The following TMPRSS11D variants were observed in gnomAD, a reference collection of about 807,000 sequenced individuals.
TMPRSS11D encodes transmembrane serine protease 11D.
A neutral mutation model predicts 44.4 loss-of-function variants in TMPRSS11D; 32 were observed. That is an observed-to-expected ratio of 0.72 (90% confidence interval 0.54 to 0.97). TMPRSS11D has a LOEUF of 0.97. Ranked by LOEUF, TMPRSS11D falls within the 50% of genes least tolerant of loss-of-function variation. The pLI, the probability that TMPRSS11D is intolerant of heterozygous loss-of-function variation, is 0.00. For missense variants in TMPRSS11D, 446 were observed against 502.6 expected (o/e 0.89, Z 1.08); for synonymous variants, 179 against 177.9 (o/e 1.01, Z -0.05).
chr4:67,854,010 G>T, intron 3 of TMPRSS11D, 58 bp downstream of exon 3: 3 of 1,041,648 alleles, frequency 2.9e-6, no homozygotes, highest in Non-Finnish European at 2.8e-6. Flanking sequence ...AAAACATTAG[G>T]TTTATTATCA....
At chr4:67,852,410 G>T (rs1718530806) in intron 3 of TMPRSS11D, among the ~76,000 whole-genome samples, 2 of 152,076 alleles carry the variant, frequency 1.3e-5, no homozygotes, top group South Asian at 4.1e-4. Flanking sequence ...CAGAATTTTT[G>T]ATTTAGTATG....
intron 3 of TMPRSS11D, among the ~76,000 whole-genome samples, chr4:67,846,166 GATCT>G (rs1450191049): frequency 1.3e-5 from 2 of 152,088 alleles, no homozygotes; most frequent in African/African-American, 2.4e-5. Context: ...GTGGCAATAT[GATCT>G]ATCTATTACT....
chr4:67,872,317 T>C (rs879020414), intron 1 of TMPRSS11D, among the ~76,000 whole-genome samples: 3 of 152,106 alleles, frequency 2.0e-5, no homozygotes, highest in Admixed American at 2.0e-4. Flanking sequence ...CTTTCCTTTT[T>C]CCCCCTTTAT....
At chr4:67,883,319 A>C (rs1275411451) in intron 1 of TMPRSS11D, among the ~76,000 whole-genome samples, 1 of 152,002 alleles carries the variant, frequency 6.6e-6, no homozygotes, top group African/African-American at 2.4e-5. Flanking sequence ...TGATTATCTC[A>C]CAACTTTTTT....
chr4:67,880,910 T>G (rs1002778653), intron 1 of TMPRSS11D, among the ~76,000 whole-genome samples: 6 of 152,252 alleles, frequency 3.9e-5, no homozygotes, highest in Non-Finnish European at 7.3e-5. Context: ...AGAATCTGCT[T>G]TTTCTTTCTG....
intron 4 of TMPRSS11D, among the ~76,000 whole-genome samples, chr4:67,838,603 GT>G (rs1161045406): frequency 6.6e-6 from 1 of 151,994 alleles, no homozygotes. Flanking sequence ...GATAAGTTAT[GT>G]AAGTTTCTTA....
intron 4 of TMPRSS11D, 32 bp from the exon 5 acceptor site, chr4:67,838,361 A>C: frequency 6.7e-7 from 1 of 1,497,294 alleles, no homozygotes; most frequent in East Asian, 2.4e-5. Context: ...TAAAAAACAA[A>C]TAATATGACA....
intron 2 of TMPRSS11D, 149 bp downstream of exon 2, chr4:67,859,408 A>G (rs1718739957): frequency 2.0e-6 from 2 of 1,002,432 alleles, no homozygotes; most frequent in African/African-American, 3.3e-5. Flanking sequence ...ACAGATATGC[A>G]TCTATATTTG....
At chr4:67,853,306 A>C (rs1302025679) in intron 3 of TMPRSS11D, among the ~76,000 whole-genome samples, 1 of 152,216 alleles carries the variant, frequency 6.6e-6, no homozygotes, top group Admixed American at 6.5e-5. Flanking sequence ...AGGGATTAAA[A>C]GCCTGGATTA....
At chr4:67,840,643 T>A (rs1718209163) in intron 4 of TMPRSS11D, among the ~76,000 whole-genome samples, 1 of 152,190 alleles carries the variant, frequency 6.6e-6, no homozygotes, top group African/African-American at 2.4e-5. Context: ...AATTTAATTG[T>A]ACATTTAAAA....
intron 1 of TMPRSS11D, among the ~76,000 whole-genome samples, chr4:67,872,963 T>C (rs888803573): frequency 6.6e-6 from 1 of 152,214 alleles, no homozygotes; most frequent in African/African-American, 2.4e-5. Context: ...TGTTTTGTTT[T>C]CTGGGTGGAA....
At chr4:67,879,948 A>G (rs529034602) in intron 1 of TMPRSS11D, among the ~76,000 whole-genome samples, 2 of 152,348 alleles carry the variant, frequency 1.3e-5, no homozygotes, top group African/African-American at 4.8e-5. Context: ...ACAAAGAAAT[A>G]TTATACAGCT....
chr4:67,851,918 T>C (rs562570707), intron 3 of TMPRSS11D, among the ~76,000 whole-genome samples: 1 of 152,286 alleles, frequency 6.6e-6, no homozygotes, highest in Admixed American at 6.5e-5. Flanking sequence ...GGTTTGGCCC[T>C]TGTAGGGGCT....
chr4:67,875,975 G>A (rs960971362), intron 1 of TMPRSS11D, among the ~76,000 whole-genome samples: 1 of 152,166 alleles, frequency 6.6e-6, no homozygotes, highest in African/African-American at 2.4e-5. Context: ...TGTGAATCTT[G>A]CCATGGAATC....
At chr4:67,864,475 T>C (rs891075254) in intron 1 of TMPRSS11D, among the ~76,000 whole-genome samples, 27 of 151,784 alleles carry the variant, frequency 1.8e-4, no homozygotes, top group Admixed American at 1.6e-3. Flanking sequence ...ACTTGTCTTA[T>C]AAAACAAAGA....
In TMPRSS11D at chr4:67,827,472, T is replaced by C; in HGVS notation, c.741A>G (p.Thr247=). ...TTACTCTCATTCTTAGTTTAGGAAATGTTGTGGAAATACCAGACGTGGCAA... is the reference window on the plus strand; with the variant it reads ...TTACTCTCATTCTTAGTTTAGGAAACGTTGTGGAAATACCAGACGTGGCAA... ...DWIATSGIST[T]FPKLRMRVRN... Residue 247 remains threonine, a synonymous_variant, in exon 8 of 10, where the codon ACA becomes ACG. Coordinates refer to ENST00000283916, the MANE Select transcript of TMPRSS11D (RefSeq NM_004262.3). 1.2e-6 allele frequency: 2 copies of C among 1,611,910 alleles called. No individual in the cohort carries two copies. The highest frequency in any genetic ancestry group is 2.2e-5 in the South Asian group (2 of 90,818).
chr4:67,868,721 G>T (rs1718984900), intron 1 of TMPRSS11D, among the ~76,000 whole-genome samples: 1 of 152,168 alleles, frequency 6.6e-6, no homozygotes, highest in Admixed American at 6.5e-5. Context: ...TGGCTTTAGG[G>T]TATCAATGAG....
intron 1 of TMPRSS11D, among the ~76,000 whole-genome samples, chr4:67,872,546 T>C (rs1373341418): frequency 6.6e-6 from 1 of 152,232 alleles, no homozygotes; most frequent in East Asian, 1.9e-4. Context: ...CACATCTCTG[T>C]ACATATACTA....
intron 1 of TMPRSS11D, among the ~76,000 whole-genome samples, chr4:67,863,370 C>T (rs1022099821): frequency 1.4e-4 from 21 of 147,100 alleles, no homozygotes; most frequent in African/African-American, 2.3e-4. Context: ...CAAAACCGAA[C>T]GTGGTATTTT....
Sources: allele counts gnomAD v4.1 joint callset (sites outside exome capture counted in the v4.1 genomes callset), GRCh38; gene constraint gnomAD v4.1.1; transcripts MANE v1.5; gene names NCBI Gene and HGNC (gene_info 2026-07-23, HGNC 2026-07-21).